Variants in ACO2 observed in about 807,000 individuals in gnomAD.
ACO2 encodes aconitate hydratase, mitochondrial.
A neutral mutation model predicts 84.5 loss-of-function variants in ACO2; 31 were observed. The ratio of observed to expected loss-of-function variants is 0.37; its 90% confidence interval spans 0.28 to 0.50. ACO2 has a LOEUF of 0.50. ACO2 is among the 20% of genes least tolerant of loss of function. The pLI, the probability that ACO2 is intolerant of heterozygous loss-of-function variation, is 0.97. For synonymous variants in ACO2, 414 were observed against 412.7 expected (o/e 1.00, Z -0.04); for missense variants, 685 against 1,029.3 (o/e 0.67, Z 4.58).
intron 2 of ACO2, among the ~76,000 whole-genome samples, chr22:41,505,901 T>C (rs544360807): frequency 8.5e-5 from 13 of 152,308 alleles, no homozygotes; most frequent in Admixed American, 2.0e-4. Context: ...GTTTATTGTA[T>C]GCCAATTATA....
intron 1 of ACO2, among the ~76,000 whole-genome samples, chr22:41,498,036 C>T (rs192756643): frequency 0.014 from 2,092 of 147,870 alleles, 23 homozygotes; most frequent in South Asian, 0.02. Context: ...CCCAGCTACG[C>T]GGGAGGCTGA....
At chr22:41,527,259 T>C in intron 15 of ACO2, 29 bp from the exon 16 acceptor site, 1 of 1,614,010 alleles carries the variant, frequency 6.2e-7, no homozygotes, top group Non-Finnish European at 8.5e-7. Flanking sequence ...CTCCTCTGCC[T>C]TATAACCTTA....
chr22:41,512,145 G>C, intron 4 of ACO2, 177 bp downstream of exon 4: 1 of 525,006 alleles, frequency 1.9e-6, no homozygotes, highest in Middle Eastern at 4.8e-4. Flanking sequence ...GTCATTATAC[G>C]TGCTCATTTT....
chr22:41,526,557 G>C, intron 15 of ACO2, 104 bp downstream of exon 15: 16 of 1,328,698 alleles, frequency 1.2e-5, no homozygotes, highest in Non-Finnish European at 1.6e-5. Context: ...GAAGGAGGCC[G>C]ACCAAGCCCA....
chr22:41,528,384 G>C (rs1029995567), intron 17 of ACO2, 95 bp from the exon 18 acceptor site: 10 of 1,527,006 alleles, frequency 6.5e-6, no homozygotes, highest in Non-Finnish European at 7.0e-6. Context: ...TGACCTCTTA[G>C]GTCCCCAGGC....
chr22:41,476,280 G>A (rs1009950608), intron 1 of ACO2, among the ~76,000 whole-genome samples: 8 of 151,650 alleles, frequency 5.3e-5, no homozygotes, highest in South Asian at 2.1e-4. Flanking sequence ...GGTGGCGCAT[G>A]CCTGTAATCT....
chr22:41,510,884 G>C (rs967820231), intron 3 of ACO2, among the ~76,000 whole-genome samples: 1 of 152,136 alleles, frequency 6.6e-6, no homozygotes, highest in African/African-American at 2.4e-5. Flanking sequence ...CTTCCATTTG[G>C]GCCCATCAAA....
chr22:41,469,562 T>G, intron 1 of ACO2: 1 of 213,332 alleles, frequency 4.7e-6, no homozygotes, highest in Admixed American at 5.9e-5. Flanking sequence ...CTAGGCCCAG[T>G]TCCTGAGGCC....
chr22:41,482,089 TG>T (rs1280663878), intron 1 of ACO2, among the ~76,000 whole-genome samples: 1 of 152,160 alleles, frequency 6.6e-6, no homozygotes, highest in East Asian at 1.9e-4. Context: ...GGCTCCCCGG[TG>T]GGGGTCTGCT....
chr22:41,517,360 T>C (rs1319729070), intron 6 of ACO2, 167 bp from the exon 7 acceptor site: 1 of 617,802 alleles, frequency 1.6e-6, no homozygotes, highest in African/African-American at 1.8e-5. Flanking sequence ...GGCCCAGGTT[T>C]TTACCCAGGG....
chr22:41,525,432 A>C lies in ACO2; in HGVS notation c.1761+84A>C, dbSNP rs571515427. ...GCATCGGGAAGGGCCATGAACCTGG[A>C]GGAAGTGAGCACAGTCAAGACGCAG... On this transcript the variant is annotated intron_variant, in intron 14 of 17. Transcript: ENST00000216254. 1.4e-5 allele frequency: 22 copies of C among 1,543,480 alleles called. 1 individual carries two copies. In the East Asian group the frequency reaches 5.0e-4, roughly 35 times the overall value.
intron 13 of ACO2, 35 bp from the exon 14 acceptor site, chr22:41,525,158 C>G: frequency 1.2e-6 from 2 of 1,609,472 alleles, no homozygotes; most frequent in Non-Finnish European, 1.7e-6. Context: ...GAACTGAGGA[C>G]TCAGCACCCC....
chr22:41,488,513 C>T (rs1432660292), intron 1 of ACO2, among the ~76,000 whole-genome samples: 1 of 152,144 alleles, frequency 6.6e-6, no homozygotes, highest in Non-Finnish European at 1.5e-5. Context: ...GATCATTCTC[C>T]CTGTTTTATA....
At chr22:41,472,295 G>A (rs1357654158) in intron 1 of ACO2, among the ~76,000 whole-genome samples, 1 of 151,622 alleles carries the variant, frequency 6.6e-6, no homozygotes, top group African/African-American at 2.4e-5. Context: ...GGAAGTTGCA[G>A]TAAGCCGAGA....
intron 1 of ACO2, among the ~76,000 whole-genome samples, chr22:41,482,116 C>A (rs1192248363): frequency 1.3e-5 from 2 of 152,216 alleles, no homozygotes; most frequent in African/African-American, 4.8e-5. Context: ...GATGCCCCTT[C>A]CCTCAGCGTT....
At chr22:41,484,967 C>T (rs531349554) in intron 1 of ACO2, among the ~76,000 whole-genome samples, 7 of 149,754 alleles carry the variant, frequency 4.7e-5, no homozygotes, top group South Asian at 2.1e-4. Flanking sequence ...CTCCACTTCC[C>T]GGGTTCAAGT....
intron 2 of ACO2, among the ~76,000 whole-genome samples, chr22:41,502,683 A>G (rs2146109328): frequency 6.6e-6 from 1 of 152,280 alleles, no homozygotes; most frequent in East Asian, 1.9e-4. Context: ...ATCTCGGCTC[A>G]CTGCAACCTC....
chr22:41,483,432 G>A lies in ACO2; in HGVS notation c.36+14250G>A, dbSNP rs367767223. Among the ~76,000 whole-genome samples the A allele has an allele frequency of 2.2e-3, 332 of 152,252 alleles. 1 individual carries two copies. Among genetic ancestry groups the A allele is most frequent in the Middle Eastern group, 6.8e-3 (2 of 294 alleles). On this transcript the variant is annotated intron_variant, in intron 1 of 17. Coordinates refer to ENST00000216254, the MANE Select transcript of ACO2 (RefSeq NM_001098.3). Reference sequence around the variant, plus strand: ...AGCACTTTGGGAGGCCAAGGCGGGCGGATCACTTGAGGTCAGGAGTTCGAG... The same window carrying A: ...AGCACTTTGGGAGGCCAAGGCGGGCAGATCACTTGAGGTCAGGAGTTCGAG...
At chr22:41,477,154 T>A (rs2038026594) in intron 1 of ACO2, among the ~76,000 whole-genome samples, 1 of 149,542 alleles carries the variant, frequency 6.7e-6, no homozygotes, top group Non-Finnish European at 1.5e-5. Flanking sequence ...ATTTATTTAT[T>A]TATTTATTTA....
Sources: allele counts gnomAD v4.1 joint callset (sites outside exome capture counted in the v4.1 genomes callset), GRCh38; gene constraint gnomAD v4.1.1; transcripts MANE v1.5; gene names NCBI Gene and HGNC (gene_info 2026-07-23, HGNC 2026-07-21).